Variants in CD28 observed in about 807,000 individuals in gnomAD.
CD28 encodes the protein T-cell-specific surface glycoprotein CD28.
CD28 carries 8 observed loss-of-function variants against 21.4 expected under a neutral mutation model. The ratio of observed to expected loss-of-function variants is 0.37; its 90% CI spans 0.22 to 0.68. The LOEUF (loss-of-function observed/expected upper bound fraction) is 0.68. Among genes scored for constraint, CD28 ranks in the 30% least tolerant of loss-of-function variants. The probability of loss-of-function intolerance (pLI) is 0.55; values close to 1 mark genes in which losing one functional copy is unlikely to be tolerated. For missense variants in CD28, 239 were observed against 272.2 expected (o/e 0.88, Z 0.86); for synonymous variants, 106 against 104.0 (o/e 1.02, Z -0.12).
chr2:203,719,059 A>T (rs1472832634), intron 1 of CD28, among the ~76,000 whole-genome samples: 1 of 152,214 alleles, frequency 6.6e-6, no homozygotes, highest in Admixed American at 6.5e-5. Flanking sequence ...AGAGGCAAAA[A>T]ATTTGGAAAT....
At chr2:203,709,405 T>G (rs1693253901) in intron 1 of CD28, among the ~76,000 whole-genome samples, 1 of 152,244 alleles carries the variant, frequency 6.6e-6, no homozygotes, top group African/African-American at 2.4e-5. Flanking sequence ...TCCATTAATT[T>G]AATAATGTAA....
intron 2 of CD28, among the ~76,000 whole-genome samples, chr2:203,727,483 T>C (rs2106120662): frequency 6.7e-6 from 1 of 148,988 alleles, no homozygotes; most frequent in Non-Finnish European, 1.5e-5. Context: ...TTTCTTTTTC[T>C]TTTTCTTTTT....
intron 2 of CD28, among the ~76,000 whole-genome samples, chr2:203,728,764 C>A (rs113704412): frequency 0.012 from 1,806 of 152,182 alleles, 34 homozygotes; most frequent in African/African-American, 0.042. Context: ...GAAAGGCATG[C>A]TACTTTAGGA....
At chr2:203,719,580 G>A (rs1401013221) in intron 1 of CD28, among the ~76,000 whole-genome samples, 1 of 152,144 alleles carries the variant, frequency 6.6e-6, no homozygotes, top group African/African-American at 2.4e-5. Context: ...TAAGTTATGA[G>A]CTTAAATTTC....
chr2:203,714,601 C>T (rs1050269378), intron 1 of CD28, among the ~76,000 whole-genome samples: 1 of 152,124 alleles, frequency 6.6e-6, no homozygotes, highest in African/African-American at 2.4e-5. Context: ...TTCTAGGCCT[C>T]GGTTTCTTCA....
At chr2:203,719,470 A>G (rs1693550039) in intron 1 of CD28, among the ~76,000 whole-genome samples, 1 of 152,142 alleles carries the variant, frequency 6.6e-6, no homozygotes, top group African/African-American at 2.4e-5. Flanking sequence ...CATCCTCCCT[A>G]TCAAGTCCAA....
intron 1 of CD28, among the ~76,000 whole-genome samples, chr2:203,723,261 C>T (rs1199510203): frequency 6.6e-6 from 1 of 151,992 alleles, no homozygotes; most frequent in Admixed American, 6.6e-5. Flanking sequence ...CTGAGGCAGG[C>T]AGATCATCTG....
At chr2:203,712,422 A>T (rs941586327) in intron 1 of CD28, among the ~76,000 whole-genome samples, 1 of 152,146 alleles carries the variant, frequency 6.6e-6, no homozygotes, top group Non-Finnish European at 1.5e-5. Context: ...CATTATTTTT[A>T]TAATCTGAAA....
chr2:203,720,640 A>T (rs947882455), intron 1 of CD28, among the ~76,000 whole-genome samples: 2 of 152,220 alleles, frequency 1.3e-5, no homozygotes, highest in African/African-American at 2.4e-5. Context: ...ATGTCCTTAC[A>T]TTATTTGAAG....
chr2:203,713,079 G>A (rs1210481385), intron 1 of CD28, among the ~76,000 whole-genome samples: 1 of 152,164 alleles, frequency 6.6e-6, no homozygotes, highest in African/African-American at 2.4e-5. Context: ...GGAAGGAAAA[G>A]GTGGATTAAT....
intron 1 of CD28, among the ~76,000 whole-genome samples, chr2:203,724,093 C>G (rs1693679186): frequency 6.6e-6 from 1 of 152,070 alleles, no homozygotes; most frequent in Non-Finnish European, 1.5e-5. Context: ...ATGGATGAAA[C>G]TTGAAAACAT....
At position 203,719,744 on chromosome 2, in the gene CD28, T is replaced by C. The variant is rs756059346; in HGVS notation, c.53-6889T>C. Among the ~76,000 whole-genome samples, 55 of 152,328 alleles carry C rather than the reference T, an allele frequency of 3.6e-4. 1 individual carries two copies. The highest frequency in any genetic ancestry group is 6.2e-4 in the South Asian group (3 of 4,828). ...AGATGAGATAAGAGACAGCATTTTA[T>C]AGCCCTGTGAATGTAAGCCATAGAT... On this transcript the variant is annotated intron_variant, in intron 1 of 3. Transcript: ENST00000324106.
intron 1 of CD28, among the ~76,000 whole-genome samples, chr2:203,714,222 A>C (rs1311381142): frequency 6.6e-6 from 1 of 152,144 alleles, no homozygotes; most frequent in African/African-American, 2.4e-5. Context: ...AACAAGGGCT[A>C]CTGGGTAATA....
intron 2 of CD28, among the ~76,000 whole-genome samples, chr2:203,728,405 T>C (rs1167663119): frequency 6.6e-6 from 1 of 152,242 alleles, no homozygotes; most frequent in African/African-American, 2.4e-5. Flanking sequence ...ACTTTGTGGA[T>C]ATATCATAGC....
intron 1 of CD28, among the ~76,000 whole-genome samples, chr2:203,720,647 G>C (rs1693582874): frequency 6.6e-6 from 1 of 152,176 alleles, no homozygotes; most frequent in Non-Finnish European, 1.5e-5. Context: ...TACATTATTT[G>C]AAGTACTGTG....
intron 3 of CD28, among the ~76,000 whole-genome samples, chr2:203,733,529 TG>T (rs1252152424): frequency 6.6e-6 from 1 of 151,818 alleles, no homozygotes; most frequent in East Asian, 1.9e-4. Context: ...GGTGAGTAGG[TG>T]GTAATTGAAG....
chr2:203,718,922 G>T (rs764537882), intron 1 of CD28, among the ~76,000 whole-genome samples: 18 of 152,146 alleles, frequency 1.2e-4, no homozygotes, highest in Non-Finnish European at 2.2e-4. Flanking sequence ...ATTATTACTT[G>T]TGCATCAGAA....
rs397960047 is a variant in CD28, at chr2:203,727,488, C to CT, written c.409+508dup. ...TTCCTTTTCTTTTCTTTTTCTTTTT[C>CT]TTTTTTTTTGAGACGGACTCTCGCT... On this transcript the variant is annotated intron_variant, in intron 2 of 3. Transcript: ENST00000324106. Among the ~76,000 whole-genome samples, 19 of 117,502 alleles carry CT rather than the reference C, an allele frequency of 1.6e-4. 1 individual carries two copies. Among genetic ancestry groups the CT allele is most frequent in the East Asian group, 1.1e-3 (5 of 4,376 alleles). The allele number at this position is 117,502 out of a possible 152,430, so 77.1% of individuals were successfully genotyped here. A position where few individuals can be genotyped will look rare whatever the true frequency, so the allele number is the denominator to read the frequency against.
intron 1 of CD28, among the ~76,000 whole-genome samples, chr2:203,722,999 A>G (rs1056424967): frequency 2.0e-5 from 3 of 152,232 alleles, no homozygotes; most frequent in African/African-American, 7.2e-5. Context: ...AAACTTAAAA[A>G]ATATGAATGG....
Sources: allele counts gnomAD v4.1 joint callset (sites outside exome capture counted in the v4.1 genomes callset), GRCh38; gene constraint gnomAD v4.1.1; transcripts MANE v1.5; gene names NCBI Gene and HGNC (gene_info 2026-07-23, HGNC 2026-07-21).